The following MAPRE1 variants were observed in gnomAD, a reference collection of about 807,000 sequenced individuals.
MAPRE1 encodes the protein microtubule associated protein RP/EB family member 1.
Under a neutral mutation model 32.1 loss-of-function variants are expected in MAPRE1, and 5 were observed. That is an observed-to-expected ratio of 0.16 (90% CI 0.08 to 0.33). The LOEUF is 0.33. MAPRE1 is among the 10% of genes least tolerant of loss of function. The probability of loss-of-function intolerance (pLI) is 1.00; values close to 1 mark genes in which losing one functional copy is unlikely to be tolerated. For missense variants in MAPRE1, 209 were observed against 327.2 expected (o/e 0.64, Z 2.79); for synonymous variants, 122 against 118.9 (o/e 1.03, Z -0.17).
intron 2 of MAPRE1, among the ~76,000 whole-genome samples, chr20:32,830,174 G>A (rs561689902): frequency 1.7e-4 from 26 of 152,214 alleles, no homozygotes; most frequent in Admixed American, 1.0e-3. Flanking sequence ...CGCAGCAAAG[G>A]TGTTGATGTT....
chr20:32,825,959 C>T lies in MAPRE1; in HGVS notation c.32C>T (p.Thr11Ile). Residue 11 changes from threonine to isoleucine, a missense_variant, in exon 2 of 7, where the codon ACC becomes ATC. Thr to Ile is a moderately conservative substitution (Grantham distance 89). This residue lies in a region of MAPRE1 where 67 missense variants were observed against 140.0 expected (regional missense o/e 0.48). Transcript: ENST00000375571. ...GTGAACGTATACTCAACGTCAGTGA[C>T]CAGTGATAACCTAAGTCGACATGAC... MAVNVYSTSV[T>I]SDNLSRHDML... The T allele has an allele frequency of 6.2e-7, 1 of 1,608,110 alleles. No individual in the cohort carries two copies.
At chr20:32,846,505 G>A in intron 5 of MAPRE1, 113 bp from the exon 6 acceptor site, 1 of 961,632 alleles carries the variant, frequency 1.0e-6, no homozygotes, top group Middle Eastern at 3.4e-4. Flanking sequence ...TGTGGTTTTT[G>A]TCTGTGTTGG....
In MAPRE1 at chr20:32,833,704, G is replaced by A. The variant is rs368045760; in HGVS notation, c.122-13G>A. On this transcript the variant is annotated splice_polypyrimidine_tract_variant and intron_variant, in intron 2 of 6. Coordinates refer to ENST00000375571, the MANE Select transcript of MAPRE1 (RefSeq NM_012325.3). ...TCTTTAATTGTATTTTTCTGTTGCC[G>A]TTGTTCTTTCAGGGGCTGCGTATTG... The A allele has an allele frequency of 1.0e-5, 16 of 1,602,418 alleles. No individual in the cohort carries two copies. The highest frequency in any genetic ancestry group is 2.0e-4 in the Middle Eastern group (1 of 4,976).
intron 5 of MAPRE1, among the ~76,000 whole-genome samples, chr20:32,842,454 C>T (rs1397534213): frequency 6.6e-6 from 1 of 152,200 alleles, no homozygotes; most frequent in African/African-American, 2.4e-5. Flanking sequence ...CGCAGCAACC[C>T]TGTGAGGTTT....
chr20:32,821,150 G>T (rs1416355399), intron 1 of MAPRE1, among the ~76,000 whole-genome samples: 2 of 152,002 alleles, frequency 1.3e-5, no homozygotes, highest in African/African-American at 4.8e-5. Flanking sequence ...CGAGTAGTCG[G>T]GATTACAGGC....
chr20:32,839,584 G>A, intron 4 of MAPRE1, 151 bp from the exon 5 acceptor site: 2 of 1,031,896 alleles, frequency 1.9e-6, no homozygotes, highest in Non-Finnish European at 2.8e-6. Context: ...TGGGAGCGTT[G>A]TCTTGCATGC....
chr20:32,836,013 G>C (rs1983191568), intron 3 of MAPRE1, among the ~76,000 whole-genome samples: 1 of 152,156 alleles, frequency 6.6e-6, no homozygotes, highest in African/African-American at 2.4e-5. Context: ...CCAGGCTGGA[G>C]TGCAGTGGCA....
At chr20:32,828,171 G>A (rs1432349373) in intron 2 of MAPRE1, among the ~76,000 whole-genome samples, 2 of 152,052 alleles carry the variant, frequency 1.3e-5, no homozygotes, top group African/African-American at 4.8e-5. Context: ...CAGGCTGTTA[G>A]CCTTAGATCT....
rs962904308 is a variant in MAPRE1, at chr20:32,849,740, T to C, written c.*1012T>C. On this transcript the variant is annotated 3_prime_UTR_variant, in exon 7 of 7. Transcript: ENST00000375571. Reference sequence around the variant, plus strand: ...AGGTGATCATGCTGCAAGTTCTTTCTGGACCTCTGGCAAAGGGAGTGGTCA... The same window carrying C: ...AGGTGATCATGCTGCAAGTTCTTTCCGGACCTCTGGCAAAGGGAGTGGTCA... 2.0e-5 allele frequency: 3 copies of C among 152,668 alleles called. No individual in the cohort carries two copies. Among genetic ancestry groups the C allele is most frequent in the African/African-American group, 7.2e-5 (3 of 41,460 alleles). The allele number at this position is 152,668 out of a possible 1,614,324, so 9.5% of individuals were successfully genotyped here.
At chr20:32,842,868 C>T (rs758173675) in intron 5 of MAPRE1, among the ~76,000 whole-genome samples, 2 of 152,130 alleles carry the variant, frequency 1.3e-5, no homozygotes, top group African/African-American at 2.4e-5. Flanking sequence ...AGGCTTCCTT[C>T]CCTGAGAGGG....
intron 2 of MAPRE1, among the ~76,000 whole-genome samples, chr20:32,831,613 A>G (rs1195379696): frequency 1.3e-5 from 2 of 151,578 alleles, no homozygotes; most frequent in African/African-American, 2.4e-5. Context: ...GCTCACTGCA[A>G]CCATCGCCTC....
chr20:32,824,233 G>A (rs774532503), intron 1 of MAPRE1, among the ~76,000 whole-genome samples: 2 of 152,250 alleles, frequency 1.3e-5, no homozygotes, highest in Non-Finnish European at 1.5e-5. Context: ...TGCCTAGCAC[G>A]CGGTAGAGCT....
intron 4 of MAPRE1, among the ~76,000 whole-genome samples, chr20:32,837,201 CA>C (rs1351367544): frequency 4.6e-5 from 7 of 152,260 alleles, no homozygotes; most frequent in African/African-American, 1.4e-4. Context: ...TGTTCCAAAA[CA>C]AGGGCATTTT....
At chr20:32,841,656 C>A (rs1423032982) in intron 5 of MAPRE1, among the ~76,000 whole-genome samples, 3 of 147,142 alleles carry the variant, frequency 2.0e-5, no homozygotes, top group African/African-American at 7.6e-5. Context: ...GTGATGTTCC[C>A]CTTCCTGTGT....
intron 1 of MAPRE1, among the ~76,000 whole-genome samples, chr20:32,822,449 G>GGT (rs1313409807): frequency 9.2e-5 from 14 of 152,306 alleles, no homozygotes; most frequent in African/African-American, 3.4e-4. Flanking sequence ...CAAATTTGAA[G>GGT]ACTGTTGCAG....
chr20:32,845,181 T>C (rs1017571806), intron 5 of MAPRE1, among the ~76,000 whole-genome samples: 2 of 152,114 alleles, frequency 1.3e-5, no homozygotes, highest in African/African-American at 4.8e-5. Flanking sequence ...TCTGGTACTA[T>C]AGGCATACAC....
At chr20:32,823,816 G>A (rs1982768524) in intron 1 of MAPRE1, among the ~76,000 whole-genome samples, 1 of 152,184 alleles carries the variant, frequency 6.6e-6, no homozygotes, top group South Asian at 2.1e-4. Context: ...TTGAGCCTGG[G>A]AAGTCAGGGC....
chr20:32,836,926 A>G (rs1983219007), intron 4 of MAPRE1, 85 bp downstream of exon 4: 1 of 1,184,710 alleles, frequency 8.4e-7, no homozygotes, highest in Non-Finnish European at 1.2e-6. Context: ...TTCAGTAGCC[A>G]TAGGCTTAGG....
intron 5 of MAPRE1, among the ~76,000 whole-genome samples, chr20:32,840,270 A>C (rs930397426): frequency 5.9e-5 from 9 of 152,122 alleles, no homozygotes; most frequent in African/African-American, 1.7e-4. Flanking sequence ...CTGGTATGAA[A>C]AGCCTGTGGC....
Sources: gnomAD v4.1 joint callset for allele counts (sites outside exome capture counted in the v4.1 genomes callset) on GRCh38, gnomAD v4.1.1 for gene constraint, gnomAD v4.1.1 regional missense constraint, MANE v1.5 for transcripts, NCBI Gene and HGNC (gene_info 2026-07-23, HGNC 2026-07-21) for gene names.